GALNT1: variants seen among roughly 807,000 people sequenced by gnomAD.
The protein encoded by GALNT1 is polypeptide N-acetylgalactosaminyltransferase 1.
In GALNT1, 17 loss-of-function variants were observed where a neutral mutation model predicts 65.7. The ratio of observed to expected loss-of-function variants is 0.26; its 90% CI spans 0.18 to 0.39. GALNT1 has a LOEUF of 0.39. Ranked by LOEUF, GALNT1 falls within the 10% of genes least tolerant of loss-of-function variation. The probability of loss-of-function intolerance (pLI) is 1.00; values close to 1 mark genes in which losing one functional copy is unlikely to be tolerated. For missense variants in GALNT1, 460 were observed against 672.8 expected (o/e 0.68, Z 3.50); for synonymous variants, 210 against 219.7 (o/e 0.96, Z 0.39).
At chr18:35,663,354 G>T (rs1433812925) in intron 2 of GALNT1, among the ~76,000 whole-genome samples, 1 of 152,184 alleles carries the variant, frequency 6.6e-6, no homozygotes, top group Non-Finnish European at 1.5e-5. Context: ...GCACTTTAAG[G>T]AGATCAGTGT....
chr18:35,656,088 A>G (rs1382363664), intron 2 of GALNT1, among the ~76,000 whole-genome samples: 1 of 152,254 alleles, frequency 6.6e-6, no homozygotes, highest in East Asian at 1.9e-4. Context: ...AAATCAAAGA[A>G]CAGGTATTAC....
intron 1 of GALNT1, among the ~76,000 whole-genome samples, chr18:35,647,991 G>A (rs953681211): frequency 1.3e-5 from 2 of 151,482 alleles, no homozygotes; most frequent in Non-Finnish European, 2.9e-5. Flanking sequence ...AGACCAGCCT[G>A]GGTACAAAGT....
At chr18:35,637,437 G>A (rs954335703) in intron 1 of GALNT1, among the ~76,000 whole-genome samples, 8 of 152,212 alleles carry the variant, frequency 5.3e-5, no homozygotes, top group Non-Finnish European at 1.2e-4. Context: ...GACAGTTTTA[G>A]TAGTCTGCAT....
chr18:35,624,847 C>A (rs56833437), intron 1 of GALNT1, among the ~76,000 whole-genome samples: 2 of 152,128 alleles, frequency 1.3e-5, no homozygotes, highest in Non-Finnish European at 2.9e-5. Flanking sequence ...TCACATGATA[C>A]GTTTTCTGGC....
chr18:35,587,630 A>G (rs986450101), intron 1 of GALNT1, among the ~76,000 whole-genome samples: 6 of 152,176 alleles, frequency 3.9e-5, no homozygotes, highest in Non-Finnish European at 8.8e-5. Flanking sequence ...TAGCCTGTCA[A>G]TATGGTGCAT....
chr18:35,678,006 A>G (rs776623860), intron 4 of GALNT1, among the ~76,000 whole-genome samples: 1 of 152,160 alleles, frequency 6.6e-6, no homozygotes, highest in African/African-American at 2.4e-5. Flanking sequence ...ATAATGCTCT[A>G]TAACATAAAC....
chr18:35,670,256 T>C (rs1272635904), intron 3 of GALNT1, among the ~76,000 whole-genome samples: 1 of 151,694 alleles, frequency 6.6e-6, no homozygotes, highest in African/African-American at 2.4e-5. Flanking sequence ...TACACCACAC[T>C]GCACTCCAGC....
intron 1 of GALNT1, among the ~76,000 whole-genome samples, chr18:35,584,033 T>C (rs2046353209): frequency 6.6e-6 from 1 of 152,252 alleles, no homozygotes; most frequent in Non-Finnish European, 1.5e-5. Context: ...TAATATCTTC[T>C]TTCTGTTCCA....
At chr18:35,699,800 T>C (rs2048125497) in intron 9 of GALNT1, among the ~76,000 whole-genome samples, 1 of 152,222 alleles carries the variant, frequency 6.6e-6, no homozygotes. Flanking sequence ...AGATTTTGAA[T>C]AACCAACCCA....
At chr18:35,600,072 T>C (rs1017801326) in intron 1 of GALNT1, among the ~76,000 whole-genome samples, 1 of 152,212 alleles carries the variant, frequency 6.6e-6, no homozygotes, top group African/African-American at 2.4e-5. Context: ...CCTTGGTATT[T>C]TGATAGGGAT....
intron 8 of GALNT1, 73 bp from the exon 9 acceptor site, chr18:35,692,107 AT>A: frequency 7.5e-7 from 1 of 1,326,964 alleles, no homozygotes; most frequent in East Asian, 2.4e-5. Context: ...CATCTGGCTT[AT>A]TAGATTCAAT....
At chr18:35,661,750 T>C (rs1489893504) in intron 2 of GALNT1, among the ~76,000 whole-genome samples, 2 of 152,184 alleles carry the variant, frequency 1.3e-5, no homozygotes, top group Non-Finnish European at 1.5e-5. Context: ...AAATTAGGTC[T>C]AGAGGCTTGA....
At chr18:35,701,504 A>G (rs1453655726) in intron 9 of GALNT1, among the ~76,000 whole-genome samples, 5 of 152,220 alleles carry the variant, frequency 3.3e-5, no homozygotes, top group Non-Finnish European at 7.3e-5. Context: ...ACCTAACACA[A>G]CCTATTTATG....
chr18:35,620,072 C>A (rs1342842380), intron 1 of GALNT1, among the ~76,000 whole-genome samples: 3 of 152,148 alleles, frequency 2.0e-5, no homozygotes, highest in South Asian at 2.1e-4. Flanking sequence ...GTGCTTTAAA[C>A]AAGATAGAGG....
upstream of GALNT1, chr18:35,581,639 GCC>G (rs1168361657): frequency 0.15 from 11 of 72 alleles, no homozygotes; most frequent in East Asian, 0.38. Flanking sequence ...CGAGCGGGGC[GCC>G]CGGAGTAGCC....
At chr18:35,684,097 T>G (rs2144611580) in intron 5 of GALNT1, among the ~76,000 whole-genome samples, 1 of 152,322 alleles carries the variant, frequency 6.6e-6, no homozygotes, top group East Asian at 1.9e-4. Flanking sequence ...ACACCTGTGG[T>G]TATAGTTTTT....
intron 3 of GALNT1, among the ~76,000 whole-genome samples, chr18:35,674,404 G>A (rs558328572): frequency 3.9e-5 from 6 of 152,192 alleles, no homozygotes; most frequent in South Asian, 2.1e-4. Context: ...GAAGCTCAGC[G>A]GGGTGAATGC....
intron 1 of GALNT1, among the ~76,000 whole-genome samples, chr18:35,635,051 G>A (rs116920723): frequency 0.013 from 1,933 of 152,172 alleles, 14 homozygotes; most frequent in Non-Finnish European, 0.019. Flanking sequence ...CCCAGTTGCC[G>A]CTGATTTTCT....
intron 7 of GALNT1, 103 bp from the exon 8 acceptor site, chr18:35,690,909 C>T (rs2047950719): frequency 2.7e-6 from 3 of 1,093,052 alleles, no homozygotes; most frequent in South Asian, 3.8e-5. Context: ...AAACAAAAGC[C>T]AAACCCCTAT....
Sources: allele counts gnomAD v4.1 joint callset (sites outside exome capture counted in the v4.1 genomes callset), GRCh38; gene constraint gnomAD v4.1.1; transcripts MANE v1.5; gene names NCBI Gene and HGNC (gene_info 2026-07-23, HGNC 2026-07-21).